DHRS12: variants seen among roughly 807,000 people sequenced by gnomAD.
DHRS12 encodes the protein dehydrogenase/reductase 12.
DHRS12 carries 29 observed loss-of-function variants against 32.1 expected under a neutral mutation model. The observed-to-expected ratio is 0.90, with a 90% CI of 0.67 to 1.23. DHRS12 has a LOEUF of 1.23. DHRS12 is among the 50% of genes most tolerant of loss of function. The pLI, the probability that DHRS12 is intolerant of heterozygous loss-of-function variation, is 0.00. For missense variants in DHRS12, 330 were observed against 337.2 expected (o/e 0.98, Z 0.17); for synonymous variants, 150 against 135.9 (o/e 1.10, Z -0.72).
rs577117067 is a variant in DHRS12 at position 51,804,006 on chromosome 13, C to G, written c.-9+48G>C. ...CCAACCCTGCTCGCCCGCGCCGAGG[C>G]GGGCCACGTGACAGCCCGGGGCCCC... is the stretch of plus-strand genomic sequence containing the variant. On this transcript the variant is annotated intron_variant, in intron 1 of 8. Transcript: ENST00000444610. The G allele has an allele frequency of 2.6e-3, 3,661 of 1,419,434 alleles. 8 individuals carry two copies. The highest frequency in any genetic ancestry group is 3.1e-3 in the Non-Finnish European group (3,334 of 1,089,106). 87.9% of individuals were successfully genotyped at this position (1,419,434 alleles called of 1,614,324 possible). A position where few individuals can be genotyped will look rare whatever the true frequency, so the allele number is the denominator to read the frequency against.
At chr13:51,797,884 C>T (rs370315872) in intron 2 of DHRS12, 37 of 1,535,856 alleles carry the variant, frequency 2.4e-5, no homozygotes, top group South Asian at 1.8e-4. Context: ...GGCTTGATCT[C>T]GACAAACCAG....
At chr13:51,773,700 G>A (rs559141644) in intron 6 of DHRS12, among the ~76,000 whole-genome samples, 4 of 152,236 alleles carry the variant, frequency 2.6e-5, no homozygotes, top group African/African-American at 9.6e-5. Context: ...GAAACACCGA[G>A]AGGAGACGCA....
intron 8 of DHRS12, 26 bp from the exon 9 acceptor site, chr13:51,768,322 A>G (rs1469750441): frequency 6.5e-7 from 1 of 1,535,038 alleles, no homozygotes; most frequent in Admixed American, 2.0e-5. Context: ...AACCGCAGAG[A>G]GGTGTGAGCT....
chr13:51,763,310 G>A (rs1419141358), downstream of DHRS12: 1 of 152,182 alleles, frequency 6.6e-6, no homozygotes, highest in Non-Finnish European at 1.5e-5. Flanking sequence ...CTCCGGCCCT[G>A]TGGTGGGGGA....
At chr13:51,796,508 C>CT (rs1955518102) in intron 2 of DHRS12, among the ~76,000 whole-genome samples, 1 of 152,190 alleles carries the variant, frequency 6.6e-6, no homozygotes, top group African/African-American at 2.4e-5. Context: ...CAGGAACATG[C>CT]TTGCTCCCCT....
intron 7 of DHRS12, chr13:51,771,254 G>A (rs1953996497): frequency 6.4e-7 from 1 of 1,552,166 alleles, no homozygotes; most frequent in Non-Finnish European, 8.7e-7. Flanking sequence ...TCCCTTGTTT[G>A]TAGAGGAGGA....
the DHRS12 span, chr13:51,755,508 C>T: frequency 6.4e-7 from 1 of 1,562,766 alleles, no homozygotes; most frequent in Middle Eastern, 1.7e-4. Context: ...GGAAATAGCT[C>T]AACCATGTGA....
At chr13:51,763,963 T>G (rs1205615315), downstream of DHRS12, 1 of 152,184 alleles carries the variant, frequency 6.6e-6, no homozygotes, top group East Asian at 1.9e-4. Context: ...GAATTTTAAT[T>G]CTATGTCAGT....
At chr13:51,756,619 A>G in the DHRS12 span, 1 of 985,264 alleles carries the variant, frequency 1.0e-6, no homozygotes, top group Non-Finnish European at 1.2e-6. Flanking sequence ...TGCCACCAAG[A>G]GATTTGTGGT....
intron 4 of DHRS12, among the ~76,000 whole-genome samples, chr13:51,780,711 G>A (rs1277310175): frequency 6.6e-6 from 1 of 152,188 alleles, no homozygotes; most frequent in Non-Finnish European, 1.5e-5. Context: ...AAACTGTGTG[G>A]AGCACAGGTG....
chr13:51,781,576 A>C (rs1406482359), intron 4 of DHRS12, among the ~76,000 whole-genome samples: 1 of 152,152 alleles, frequency 6.6e-6, no homozygotes, highest in Non-Finnish European at 1.5e-5. Flanking sequence ...CAGGCTCTGC[A>C]TGAACTGTGA....
intron 6 of DHRS12, 21 bp from the exon 7 acceptor site, chr13:51,771,932 G>A (rs1191105942): frequency 3.7e-6 from 6 of 1,612,994 alleles, no homozygotes; most frequent in East Asian, 4.5e-5. Context: ...AGGAGCGAGG[G>A]GGTGAACAGG....
At chr13:51,795,738 G>A (rs949312099) in intron 2 of DHRS12, among the ~76,000 whole-genome samples, 1 of 152,162 alleles carries the variant, frequency 6.6e-6, no homozygotes, top group African/African-American at 2.4e-5. Context: ...CATCACCAGG[G>A]AAGCCAATAT....
chr13:51,756,821 G>C, the DHRS12 span, among the ~76,000 whole-genome samples: 29 of 152,222 alleles, frequency 1.9e-4, no homozygotes, highest in Admixed American at 1.9e-3. Context: ...ATCTTTACAG[G>C]AGTTGAGTGA....
chr13:51,759,182 A>G, the DHRS12 span, among the ~76,000 whole-genome samples: 2 of 152,204 alleles, frequency 1.3e-5, no homozygotes, highest in Non-Finnish European at 2.9e-5. Context: ...CCCTGTCTCA[A>G]AATAATTAAT....
chr13:51,755,472 G>C, the DHRS12 span: 2 of 1,608,562 alleles, frequency 1.2e-6, no homozygotes, highest in Admixed American at 1.7e-5. Flanking sequence ...GAGTGATATG[G>C]ATGCTTCATC....
chr13:51,756,383 C>T, the DHRS12 span: 18 of 1,613,984 alleles, frequency 1.1e-5, no homozygotes, highest in Non-Finnish European at 1.4e-5. Flanking sequence ...CAGCTCCAAG[C>T]GCTCCTCCAT....
chr13:51,757,969 T>C, the DHRS12 span, among the ~76,000 whole-genome samples: 2 of 152,190 alleles, frequency 1.3e-5, no homozygotes, highest in Admixed American at 1.3e-4. Context: ...GAAGGACTTT[T>C]AGAAATTTTC....
chr13:51,766,438 T>A (rs1334697607), downstream of DHRS12: 1 of 152,226 alleles, frequency 6.6e-6, no homozygotes, highest in Admixed American at 6.5e-5. Flanking sequence ...TTTCTTTTTT[T>A]AAAGTGAGGA....
Sources: gnomAD v4.1 joint callset for allele counts (sites outside exome capture counted in the v4.1 genomes callset) on GRCh38, gnomAD v4.1.1 for gene constraint, MANE v1.5 for transcripts, NCBI Gene and HGNC (gene_info 2026-07-23, HGNC 2026-07-21) for gene names.